Variants in MSRA observed in about 807,000 individuals in gnomAD.
The protein encoded by MSRA is methionine sulfoxide reductase A.
MSRA carries 54 observed loss-of-function variants against 31.3 expected under a neutral mutation model. The ratio of observed to expected loss-of-function variants is 1.73; its 90% CI spans 1.39 to 2.17. The LOEUF (loss-of-function observed/expected upper bound fraction) is 2.17, where lower values mean the gene tolerates loss of function less well. Among genes scored for constraint, MSRA ranks in the 30% most tolerant of loss-of-function variants. MSRA has a pLI of 0.00. For synonymous variants in MSRA, 169 were observed against 116.5 expected (o/e 1.45, Z -2.90); for missense variants, 507 against 300.9 (o/e 1.69, Z -5.07).
At chr8:10,198,662 C>T (rs1808207777) in intron 1 of MSRA, among the ~76,000 whole-genome samples, 1 of 152,174 alleles carries the variant, frequency 6.6e-6, no homozygotes, top group South Asian at 2.1e-4. Context: ...TCTCCTCTGT[C>T]ACCCAGGCTG....
At chr8:10,115,894 T>G (rs893063090) in intron 1 of MSRA, among the ~76,000 whole-genome samples, 1 of 152,252 alleles carries the variant, frequency 6.6e-6, no homozygotes, top group African/African-American at 2.4e-5. Flanking sequence ...CTATCCATTT[T>G]TAAAACAAGA....
intron 1 of MSRA, among the ~76,000 whole-genome samples, chr8:10,122,676 T>C (rs1311471264): frequency 6.6e-6 from 1 of 152,052 alleles, no homozygotes; most frequent in Non-Finnish European, 1.5e-5. Flanking sequence ...TCTGCTCTTG[T>C]CCTTCCTCCT....
At chr8:10,360,131 TGCTGCTGGAGTGAGCCAA>T (rs1257854240) in intron 5 of MSRA, among the ~76,000 whole-genome samples, 3 of 152,208 alleles carry the variant, frequency 2.0e-5, no homozygotes, top group African/African-American at 7.2e-5. Context: ...CGTGTGCTGC[TGCTGCTGGAGTGAGCCAA>T]GCTGCTTGAG....
intron 1 of MSRA, among the ~76,000 whole-genome samples, chr8:10,168,277 G>T (rs528112827): frequency 2.2e-4 from 33 of 152,230 alleles, no homozygotes; most frequent in African/African-American, 7.2e-4. Flanking sequence ...CTAAAACCTT[G>T]TGTTGTTTTA....
At chr8:10,068,106 A>G (rs1478673871) in intron 1 of MSRA, among the ~76,000 whole-genome samples, 1 of 151,756 alleles carries the variant, frequency 6.6e-6, no homozygotes, top group Non-Finnish European at 1.5e-5. Flanking sequence ...CTGATGTCGA[A>G]CTTTTGACCT....
chr8:10,297,319 C>T (rs1285978350), intron 3 of MSRA, among the ~76,000 whole-genome samples: 1 of 152,116 alleles, frequency 6.6e-6, no homozygotes, highest in Non-Finnish European at 1.5e-5. Flanking sequence ...GGACATCATC[C>T]TTTTCATTTT....
intron 5 of MSRA, among the ~76,000 whole-genome samples, chr8:10,418,451 G>A (rs1444254795): frequency 6.6e-6 from 1 of 152,144 alleles, no homozygotes; most frequent in Non-Finnish European, 1.5e-5. Context: ...TGGGGGATGG[G>A]CAGTTGCAGT....
chr8:10,356,911 TA>T (rs1804543614), intron 5 of MSRA, among the ~76,000 whole-genome samples: 3 of 95,954 alleles, frequency 3.1e-5, no homozygotes, highest in African/African-American at 1.3e-4. Flanking sequence ...AAAAAAAAAA[TA>T]TATGTGTCTT....
At chr8:10,254,836 C>G (rs1003784455) in intron 3 of MSRA, among the ~76,000 whole-genome samples, 3 of 152,218 alleles carry the variant, frequency 2.0e-5, no homozygotes, top group African/African-American at 7.2e-5. Flanking sequence ...TAGAGCTGTG[C>G]CAAAGTTTTG....
At chr8:10,249,624 A>G (rs904527756) in intron 3 of MSRA, among the ~76,000 whole-genome samples, 1 of 152,092 alleles carries the variant, frequency 6.6e-6, no homozygotes, top group African/African-American at 2.4e-5. Context: ...TCTGAAAGCC[A>G]CCCACCACCA....
intron 3 of MSRA, among the ~76,000 whole-genome samples, chr8:10,282,793 C>G (rs141418878): frequency 2.0e-4 from 31 of 152,198 alleles, no homozygotes; most frequent in African/African-American, 7.2e-4. Flanking sequence ...TTCTTGACAC[C>G]AAATCTGTAT....
intron 5 of MSRA, chr8:10,337,521 C>A (rs1238968101): frequency 1.7e-5 from 10 of 584,016 alleles, no homozygotes; most frequent in Non-Finnish European, 2.4e-5. Flanking sequence ...AGACTGTGTG[C>A]TACTAGGCTA....
In MSRA at chr8:10,393,215, TAAG is replaced by T. The variant is rs148951301; in HGVS notation, c.544-34925_544-34923del. On this transcript the variant is annotated intron_variant, in intron 5 of 5. Coordinates refer to ENST00000317173, the MANE Select transcript of MSRA (RefSeq NM_012331.5). ...CCGCCCCCCGTGTTTCTATTCAGTGTAAGAAGAAGAGACGAGCCCATTCTGCTT... is the reference window on the plus strand; with the variant it reads ...CCGCCCCCCGTGTTTCTATTCAGTGTAAGAAGAGACGAGCCCATTCTGCTT... Among the ~76,000 whole-genome samples, 237 of 152,294 alleles carry T rather than the reference TAAG, an allele frequency of 1.6e-3. 2 individuals carry two copies. The highest frequency in any genetic ancestry group is 5.3e-3 in the African/African-American group (220 of 41,554).
intron 5 of MSRA, among the ~76,000 whole-genome samples, chr8:10,403,725 C>A (rs1159988382): frequency 1.3e-5 from 2 of 152,200 alleles, no homozygotes; most frequent in Admixed American, 6.5e-5. Flanking sequence ...GTGTGAGACA[C>A]ACATGGGAAG....
chr8:10,202,968 C>T (rs950458377), intron 1 of MSRA, among the ~76,000 whole-genome samples: 1 of 152,152 alleles, frequency 6.6e-6, no homozygotes, highest in Middle Eastern at 3.4e-3. Flanking sequence ...ATCGCCTGTT[C>T]TTAGCCACCA....
At chr8:10,099,805 G>A (rs1799415583) in intron 1 of MSRA, among the ~76,000 whole-genome samples, 1 of 152,188 alleles carries the variant, frequency 6.6e-6, no homozygotes, top group South Asian at 2.1e-4. Context: ...CTGGTGTGGG[G>A]TGGCCCTGGA....
chr8:10,343,403 G>A (rs770835294), intron 5 of MSRA, among the ~76,000 whole-genome samples: 4 of 152,184 alleles, frequency 2.6e-5, no homozygotes, highest in Non-Finnish European at 4.4e-5. Context: ...ATAATGAAGC[G>A]GTGAATAGTA....
At chr8:10,257,142 G>A (rs1165269124) in intron 3 of MSRA, among the ~76,000 whole-genome samples, 1 of 152,132 alleles carries the variant, frequency 6.6e-6, no homozygotes, top group East Asian at 1.9e-4. Context: ...GATTTTTTAG[G>A]AGGTGATGAC....
At chr8:10,259,701 C>T (rs1445925793) in intron 3 of MSRA, among the ~76,000 whole-genome samples, 4 of 152,210 alleles carry the variant, frequency 2.6e-5, no homozygotes, top group African/African-American at 9.6e-5. Context: ...ACTAGGGTTT[C>T]CTGGGGAAAC....
Sources: allele counts gnomAD v4.1 joint callset (sites outside exome capture counted in the v4.1 genomes callset), GRCh38; gene constraint gnomAD v4.1.1; transcripts MANE v1.5; gene names NCBI Gene and HGNC (gene_info 2026-07-23, HGNC 2026-07-21).